GALNS: variants seen among roughly 807,000 people sequenced by gnomAD.
GALNS encodes galactosamine (N-acetyl)-6-sulfatase.
GALNS carries 65 observed loss-of-function variants against 65.9 expected under a neutral mutation model. The ratio of observed to expected loss-of-function variants is 0.99; its 90% CI spans 0.81 to 1.21. GALNS has a LOEUF of 1.21. Ranked by LOEUF, GALNS falls within the 50% of genes most tolerant of loss-of-function variation. The pLI is 0.00. For missense variants in GALNS, 776 were observed against 700.7 expected, an observed-to-expected ratio of 1.11 and a Z score of -1.21; for synonymous variants, 346 against 288.9, an observed-to-expected ratio of 1.20 and a Z score of -2.00.
intron 9 of GALNS, among the ~76,000 whole-genome samples, chr16:88,828,152 G>GTGTC (rs1911122484): frequency 6.6e-6 from 1 of 152,264 alleles, no homozygotes; most frequent in East Asian, 1.9e-4. Context: ...CTGGTCAGCA[G>GTGTC]TGTCTGTGCG....
chr16:88,856,056 G>A, intron 1 of GALNS: 1 of 649,538 alleles, frequency 1.5e-6, no homozygotes, highest in Non-Finnish European at 2.8e-6. Flanking sequence ...GGTGACCCAT[G>A]CCCCAGGCAG....
intron 1 of GALNS, chr16:88,855,637 T>A (rs1967792837): frequency 1.6e-6 from 1 of 609,568 alleles, no homozygotes; most frequent in African/African-American, 1.9e-5. Context: ...TATATCTTTA[T>A]GTTAAAAAAC....
chr16:88,824,633 C>A (rs1179666742), intron 11 of GALNS, 134 bp downstream of exon 11: 2 of 749,276 alleles, frequency 2.7e-6, no homozygotes, highest in Admixed American at 2.0e-5. Context: ...GGGGGCCACA[C>A]AGAGAAGGCT....
chr16:88,814,616 G>A (rs904701053), intron 13 of GALNS, 91 bp from the exon 14 acceptor site: 2 of 1,541,170 alleles, frequency 1.3e-6, no homozygotes, highest in South Asian at 1.2e-5. Context: ...GCTGTTCTGA[G>A]ACAGTCTCAC....
chr16:88,820,191 C>T (rs990707450), intron 12 of GALNS, among the ~76,000 whole-genome samples: 5 of 149,324 alleles, frequency 3.3e-5, no homozygotes, highest in Middle Eastern at 3.7e-3. Flanking sequence ...TGCAGTGGTG[C>T]GATCTCAGCT....
rs150197619 is a variant in GALNS at position 88,846,586 on chromosome 16, C to T, written c.121-3757G>A. Among the ~76,000 whole-genome samples the T allele has an allele frequency of 6.1e-3, 889 of 146,262 alleles. 9 individuals are homozygous for T. Among genetic ancestry groups the T allele is most frequent in the African/African-American group, 0.022 (859 of 39,772 alleles). On this transcript the variant is annotated intron_variant, in intron 1 of 13. Transcript: ENST00000268695. ...GGCTGGAGGGCACAATCTCGACTCA[C>T]TGCAACCTTTGCCTGCACGATCTCG...
chr16:88,836,090 CCA>C, intron 6 of GALNS, 109 bp downstream of exon 6: 1 of 1,170,606 alleles, frequency 8.5e-7, no homozygotes. Flanking sequence ...CCCATGCCTC[CCA>C]CGGGGTGAGG....
At chr16:88,849,188 C>T (rs1467091334) in intron 1 of GALNS, among the ~76,000 whole-genome samples, 6 of 152,220 alleles carry the variant, frequency 3.9e-5, no homozygotes, top group African/African-American at 1.2e-4. Context: ...GATCTTGGCT[C>T]ACTGCAACCT....
At chr16:88,828,228 T>G (rs1057380473) in intron 9 of GALNS, among the ~76,000 whole-genome samples, 12 of 151,884 alleles carry the variant, frequency 7.9e-5, no homozygotes, top group African/African-American at 2.9e-4. Flanking sequence ...TCCAGATGCT[T>G]TTGTCATCTG....
chr16:88,833,065 G>A (rs1305367445), intron 8 of GALNS, among the ~76,000 whole-genome samples: 1 of 133,452 alleles, frequency 7.5e-6, no homozygotes, highest in African/African-American at 2.9e-5. Context: ...GCAACAGAGC[G>A]AGACTCCTTC....
intron 9 of GALNS, among the ~76,000 whole-genome samples, chr16:88,827,298 G>C (rs1250402290): frequency 6.6e-6 from 1 of 152,204 alleles, no homozygotes; most frequent in East Asian, 1.9e-4. Context: ...GGGTGGGGAC[G>C]GCTCCTGACA....
At chr16:88,834,895 C>T (rs1339199281) in intron 8 of GALNS, among the ~76,000 whole-genome samples, 1 of 152,166 alleles carries the variant, frequency 6.6e-6, no homozygotes, top group Non-Finnish European at 1.5e-5. Context: ...CTCCACCGGC[C>T]CTGCTGTTTC....
At chr16:88,831,796 G>A in intron 9 of GALNS, among the ~76,000 whole-genome samples, 1 of 136,694 alleles carries the variant, frequency 7.3e-6, no homozygotes, top group Non-Finnish European at 1.6e-5. Flanking sequence ...AGAGCGGTGA[G>A]GCCGAGCACG....
chr16:88,822,837 C>A (rs929697450), intron 11 of GALNS, 127 bp from the exon 12 acceptor site: 30 of 1,430,560 alleles, frequency 2.1e-5, no homozygotes, highest in Non-Finnish European at 2.6e-5. Context: ...TGTCCTGGAG[C>A]CCCTAACTGG....
chr16:88,855,700 C>G, intron 1 of GALNS: 1 of 591,346 alleles, frequency 1.7e-6, no homozygotes, highest in Non-Finnish European at 3.0e-6. Flanking sequence ...TTTTCTTTCA[C>G]CAAGTCTTCT....
intron 13 of GALNS, chr16:88,816,695 T>A (rs1459587561): frequency 4.1e-6 from 4 of 985,226 alleles, no homozygotes; most frequent in Non-Finnish European, 1.2e-6. Flanking sequence ...ACGCTGTGGC[T>A]CCCTGGCTGT....
chr16:88,849,237 C>A (rs1027226244), intron 1 of GALNS, among the ~76,000 whole-genome samples: 3 of 152,212 alleles, frequency 2.0e-5, no homozygotes, highest in African/African-American at 7.2e-5. Flanking sequence ...ACCTCAGCCT[C>A]CTGAGTAGCT....
intron 1 of GALNS, among the ~76,000 whole-genome samples, chr16:88,846,799 T>A (rs887536923): frequency 2.0e-5 from 3 of 152,100 alleles, no homozygotes; most frequent in Admixed American, 6.5e-5. Context: ...TGCCTTGGCC[T>A]CCCAAAGTGC....
At chr16:88,818,186 G>A in intron 12 of GALNS, 62 bp from the exon 13 acceptor site, 6 of 1,312,998 alleles carry the variant, frequency 4.6e-6, no homozygotes, top group Non-Finnish European at 3.2e-6. Context: ...AGAGGGGCTG[G>A]CCTGGACAGG....
Sources: allele counts gnomAD v4.1 joint callset (sites outside exome capture counted in the v4.1 genomes callset), GRCh38; gene constraint gnomAD v4.1.1; transcripts MANE v1.5; gene names NCBI Gene and HGNC (gene_info 2026-07-23, HGNC 2026-07-21).